SIGLEC11: variants seen among roughly 807,000 people sequenced by gnomAD.
The protein encoded by SIGLEC11 is sialic acid-binding Ig-like lectin 11.
Under a neutral mutation model 61.2 loss-of-function variants are expected in SIGLEC11, and 47 were observed. That is an observed-to-expected ratio of 0.77 (90% CI 0.61 to 0.98). The LOEUF is 0.98. SIGLEC11 is among the 50% of genes least tolerant of loss of function. The pLI is 0.00. For missense variants in SIGLEC11, 610 were observed against 870.3 expected, an observed-to-expected ratio of 0.70 and a Z score of 3.76; for synonymous variants, 278 against 373.1, an observed-to-expected ratio of 0.75 and a Z score of 2.94.
chr19:49,958,725 T>A lies in SIGLEC11; in HGVS notation c.1281A>T (p.Gln427His), dbSNP rs547243506. Reference protein sequence around the residue: ...DPGVLELPPIQMEHEGEFTCH... With the variant: ...DPGVLELPPIHMEHEGEFTCH... Reference sequence around the variant, plus strand: ...AGGTGAACTCTCCTTCGTGCTCCATTTGAATGGGTGGCAGCTCCAGGACCC... The same window carrying A: ...AGGTGAACTCTCCTTCGTGCTCCATATGAATGGGTGGCAGCTCCAGGACCC... Residue 427 changes from glutamine (Q) to histidine (H), a missense_variant, in exon 7 of 11, where the codon CAA becomes CAT. Transcript: ENST00000447370. The A allele has an allele frequency of 1.2e-6, 2 of 1,613,556 alleles. No homozygotes were observed. The highest frequency in any genetic ancestry group is 2.2e-5 in the South Asian group (2 of 91,050).
At position 49,951,989 on chromosome 19, in the gene SIGLEC11, T is replaced by C; in HGVS notation, c.1749-17A>G. On this transcript the variant is annotated splice_polypyrimidine_tract_variant and intron_variant, in intron 9 of 10. Transcript: ENST00000447370. The surrounding 1 kb of genome is among the most constrained non-coding windows in gnomAD (Gnocchi z 4.6). ...ATCTTCACCCTGAGGGAGGAGGCAG[T>C]GCCCTTCAGCCTCCAGGCTGGTCCA... The C allele has an allele frequency of 1.9e-6, 3 of 1,601,974 alleles. No homozygotes were observed. The highest frequency in any genetic ancestry group is 2.6e-6 in the Non-Finnish European group (3 of 1,175,152).
chr19:49,949,788 G>A lies in SIGLEC11; in HGVS notation c.*182C>T. 1.9e-6 allele frequency: 1 copy of A among 520,306 alleles called. No homozygotes were observed. 32.2% of individuals were successfully genotyped at this position (520,306 alleles called of 1,614,324 possible). A position where few individuals can be genotyped will look rare whatever the true frequency, so the allele number is the denominator to read the frequency against. Reference sequence around the variant, plus strand: ...ACCTGGCAGGTTGAGGCTACAGTGAGCTGAGATTGCACCACTGGACTCTGG... The same window carrying A: ...ACCTGGCAGGTTGAGGCTACAGTGAACTGAGATTGCACCACTGGACTCTGG... On this transcript the variant is annotated 3_prime_UTR_variant, in exon 11 of 11. Transcript: ENST00000447370.
chr19:49,957,007 G>T (rs1221332007), intron 8 of SIGLEC11, among the ~76,000 whole-genome samples: 1 of 152,198 alleles, frequency 6.6e-6, no homozygotes, highest in African/African-American at 2.4e-5. Context: ...GTTCAAACTT[G>T]GAAAGGGTGG....
Position 49,958,454 on chromosome 19 carries a change from G to T in SIGLEC11, c.1480C>A (p.Leu494Met). The change falls in exon 8 of 11, where the codon CTG (leucine) becomes ATG (methionine). Residue 494 changes from leucine (L) to methionine (M), a missense_variant. This residue lies in a region of SIGLEC11 where 432 missense variants were observed against 441.5 expected (regional missense o/e 0.98). Transcript: ENST00000447370. ...GAGCCCTGACTGCTGTTCCCCTCCA[G>T]CAGCTCCTCCCCAAGCCACCAGCGC... Reference protein sequence around the residue: ...SLRWWLGEELLEGNSSQGSFE... With the variant: ...SLRWWLGEELMEGNSSQGSFE... 3 of 1,613,308 alleles carry T rather than the reference G, an allele frequency of 1.9e-6. No individual in the cohort carries two copies. Among genetic ancestry groups the T allele is most frequent in the Non-Finnish European group, 2.5e-6 (3 of 1,179,850 alleles).
At position 49,958,457 on chromosome 19, in the gene SIGLEC11, G is replaced by T; in HGVS notation, c.1477C>A (p.Leu493Met). The T allele has an allele frequency of 6.2e-7, 1 of 1,613,186 alleles. No homozygotes were observed. The highest frequency in any genetic ancestry group is 8.5e-7 in the Non-Finnish European group (1 of 1,179,816). ...CCCTGACTGCTGTTCCCCTCCAGCA[G>T]CTCCTCCCCAAGCCACCAGCGCAGA... ...PSLRWWLGEE[L>M]LEGNSSQGSF... The change falls in exon 8 of 11, where the codon CTG becomes ATG. Residue 493 changes from leucine (L) to methionine (M), a missense_variant. Around this residue, in one of 6 missense-constraint regions of SIGLEC11, gnomAD observed 432 missense variants for 441.5 expected, o/e 0.98. Transcript: ENST00000447370.
rs560861441 is a variant in SIGLEC11, at chr19:49,960,643, C to T, written c.369G>A (p.Arg123=). 1.9e-4 allele frequency: 301 copies of T among 1,604,784 alleles called. 2 individuals are homozygous for T. In the East Asian group the frequency reaches 4.4e-3, roughly 24 times the overall value. ...SCSLVIRDAQ[R]EDEAWYFFRV... Reference sequence around the variant, plus strand: ...GAAAGAAGTACCATGCCTCATCCTCCCTCTGCGCGTCTCTGATCACCAAGG... The same window carrying T: ...GAAAGAAGTACCATGCCTCATCCTCTCTCTGCGCGTCTCTGATCACCAAGG... The change falls in exon 2 of 11, where the codon AGG becomes AGA. Residue 123 remains arginine (R), a synonymous_variant. Transcript: ENST00000447370.
chr19:49,951,826 C>T lies in SIGLEC11; in HGVS notation c.1830+65G>A. 2 of 1,370,666 alleles carry T rather than the reference C, an allele frequency of 1.5e-6. No individual in the cohort carries two copies. Among genetic ancestry groups the T allele is most frequent in the East Asian group, 5.0e-5 (2 of 40,166 alleles). 84.9% of individuals were successfully genotyped at this position (1,370,666 alleles called of 1,614,324 possible). On this transcript the variant is annotated intron_variant, in intron 10 of 10. Coordinates refer to ENST00000447370, the MANE Select transcript of SIGLEC11 (RefSeq NM_052884.3). This position sits in a 1 kb window ranked among gnomAD's most constrained non-coding sequence, Gnocchi z 4.6. ...ATGATTCTGCAAGTCACCAAGAGGA[C>T]TACCCATGGCCATCAAGGAAAGGGG...
Position 49,958,834 on chromosome 19 carries a change from C to A in SIGLEC11, c.1172G>T (p.Cys391Phe), listed in dbSNP as rs766335832. The change falls in exon 7 of 11, where the codon TGT (cysteine) becomes TTT (phenylalanine). Residue 391 changes from cysteine (C) to phenylalanine (F), a missense_variant. By Grantham distance (205) the Cys-to-Phe change is radical. Transcript: ENST00000447370. ...GGCTGGGGGGCTGCTGTGGGTGACA[C>A]AGACCAGGCGCAGGCTTTGGCCCTC... The part of the protein sequence containing the change: ...VLEGQSLRLV[C>F]VTHSSPPARL... 10 of 1,612,098 alleles carry A rather than the reference C, an allele frequency of 6.2e-6. No homozygotes were observed. The highest frequency in any genetic ancestry group is 8.5e-6 in the Non-Finnish European group (10 of 1,178,924).
In SIGLEC11 at chr19:49,960,446, T is replaced by C. The variant is rs536145193; in HGVS notation, c.461-25A>G. ...GCTGGGACAGAGACCGGGTGGGAGA[T>C]TCTTGTGCTGCAGGGGTCCCTGAGA... On this transcript the variant is annotated intron_variant, in intron 2 of 10. Transcript: ENST00000447370. The C allele has an allele frequency of 3.8e-6, 6 of 1,595,488 alleles. No individual in the cohort carries two copies. The Admixed American group carries it at 1.0e-4, about 27-fold the overall frequency.
chr19:49,956,410 C>T (rs923272849), intron 8 of SIGLEC11, among the ~76,000 whole-genome samples: 1 of 152,122 alleles, frequency 6.6e-6, no homozygotes, highest in African/African-American at 2.4e-5. Context: ...TACTATCAGC[C>T]GAAAGCTCCA....
rs201026821 is a variant in SIGLEC11, at chr19:49,960,578, C to T, written c.434G>A (p.Ser145Asn). The change falls in exon 2 of 11, where the codon AGC (serine) becomes AAC (asparagine). Residue 145 changes from serine (S) to asparagine (N), a missense_variant. Around this residue, in one of 6 missense-constraint regions of SIGLEC11, gnomAD observed 99 missense variants for 131.6 expected, o/e 0.75. Coordinates refer to ENST00000447370, the MANE Select transcript of SIGLEC11 (RefSeq NM_052884.3). ...TGTTACTTTTAGAAAGAACGCATTG[C>T]TCAGGAAACTATGTCTCACACGGCT... ...RGSRVRHSFLSNAFFLKVTAL... is the reference protein window; with the variant it reads ...RGSRVRHSFLNNAFFLKVTAL... 1.4e-5 allele frequency: 23 copies of T among 1,598,348 alleles called. 2 individuals carry two copies. Among genetic ancestry groups the T allele is most frequent in the Middle Eastern group, 3.3e-4 (2 of 6,024 alleles).
intron 8 of SIGLEC11, among the ~76,000 whole-genome samples, chr19:49,956,085 T>A (rs554604363): frequency 1.8e-4 from 28 of 152,156 alleles, no homozygotes; most frequent in Non-Finnish European, 4.0e-4. Flanking sequence ...CCTCATACTA[T>A]GTTTGCGGAG....
rs1186410372 is a variant in SIGLEC11, at chr19:49,951,578, G to A, written c.1830+313C>T. On this transcript the variant is annotated intron_variant, in intron 10 of 10. Coordinates refer to ENST00000447370, the MANE Select transcript of SIGLEC11 (RefSeq NM_052884.3). The surrounding 1 kb of genome is among the most constrained non-coding windows in gnomAD (Gnocchi z 4.6). ...ACTCTCTGGCATCCTGTGTTGAGGA[G>A]GAGAGATAGGAGGGAGGGCAAAGGA... is the stretch of plus-strand genomic sequence containing the variant. Among the ~76,000 whole-genome samples, 2 of 152,144 alleles carry A rather than the reference G, an allele frequency of 1.3e-5. No individual in the cohort carries two copies. The highest frequency in any genetic ancestry group is 3.9e-4 in the East Asian group (2 of 5,194).
intron 9 of SIGLEC11, 48 bp from the exon 10 acceptor site, chr19:49,952,020 T>C: frequency 6.5e-7 from 1 of 1,545,472 alleles, no homozygotes; most frequent in South Asian, 1.2e-5. Flanking sequence ...GTCCAGAGCC[T>C]GGGGAAACTG....
rs148610893 is a variant in SIGLEC11 at position 49,958,542 on chromosome 19, G to A, written c.1392C>T (p.Cys464=). ...HYPPQLLGPS[C]SWEAEGLHCS... is the part of the protein sequence containing the mutation. ...AGTGCAGACCCTCAGCCTCCCAGGA[G>A]CAGGAGGGGCCCAGCAGCTGTGGAG... Residue 464 remains cysteine (C), a synonymous_variant, in exon 8 of 11, where the codon TGC becomes TGT. Coordinates refer to ENST00000447370, the MANE Select transcript of SIGLEC11 (RefSeq NM_052884.3). 1,063 of 1,585,666 alleles carry A rather than the reference G, an allele frequency of 6.7e-4. 15 individuals carry two copies. In the African/African-American group the frequency reaches 0.013, roughly 19 times the overall value.
At chr19:49,959,682 G>GGGGGGGGGGGGGC in intron 4 of SIGLEC11, 59 bp from the exon 5 acceptor site, 3 of 164,066 alleles carry the variant, frequency 1.8e-5, no homozygotes, top group Admixed American at 1.1e-4. Context: ...GGGAGGGGGG[G>GGGGGGGGGGGGGC]CTGCAAAGAG....
Position 49,958,772 on chromosome 19 carries a change from G to C in SIGLEC11, c.1234C>G (p.Pro412Ala). 1 of 1,613,826 alleles carries C rather than the reference G, an allele frequency of 6.2e-7. No homozygotes were observed. The highest frequency in any genetic ancestry group is 1.1e-5 in the South Asian group (1 of 91,050). ...ACCCCGGGGTCTGAGGGCTGGGAGG[G>C]GCCCACGGTCTGTCCCCACCGGGTC... ...SWTRWGQTVG[P>A]SQPSDPGVLE... The change falls in exon 7 of 11, where the codon CCC becomes GCC. Residue 412 changes from proline to alanine, a missense_variant. Coordinates refer to ENST00000447370, the MANE Select transcript of SIGLEC11 (RefSeq NM_052884.3).
At chr19:49,954,662 G>A (rs1024130096) in intron 8 of SIGLEC11, among the ~76,000 whole-genome samples, 5 of 152,120 alleles carry the variant, frequency 3.3e-5, no homozygotes, top group Non-Finnish European at 5.9e-5. Flanking sequence ...GACGCAATCC[G>A]TCTTTCTGAC....
intron 8 of SIGLEC11, among the ~76,000 whole-genome samples, chr19:49,956,506 G>A (rs568094700): frequency 6.6e-6 from 1 of 152,262 alleles, no homozygotes; most frequent in Admixed American, 6.5e-5. Flanking sequence ...ACAGGGGCCT[G>A]TGTGCTTGAA....
Sources: gnomAD v4.1 joint callset for allele counts (sites outside exome capture counted in the v4.1 genomes callset) on GRCh38, gnomAD v4.1.1 for gene constraint, gnomAD v4.1.1 regional missense constraint, Gnocchi (gnomAD v3.1) non-coding constraint, MANE v1.5 for transcripts, NCBI Gene and HGNC (gene_info 2026-07-23, HGNC 2026-07-21) for gene names.